ALK: variants seen among roughly 807,000 people sequenced by gnomAD.
ALK encodes ALK receptor tyrosine kinase, also known as ALK tyrosine kinase receptor.
Under a neutral mutation model 163.1 loss-of-function variants are expected in ALK, and 74 were observed. The observed-to-expected ratio is 0.45, with a 90% confidence interval of 0.38 to 0.55. ALK has a LOEUF of 0.55. ALK is among the 20% of genes least tolerant of loss of function. The pLI is 0.00. For synonymous variants in ALK, 960 were observed against 843.2 expected (o/e 1.14, Z -2.40); for missense variants, 2,063 against 2,105.3 (o/e 0.98, Z 0.39).
chr2:29,845,109 G>C (rs1572430141), intron 1 of ALK, among the ~76,000 whole-genome samples: 1 of 152,176 alleles, frequency 6.6e-6, no homozygotes, highest in Admixed American at 6.5e-5. Context: ...TGTCCTGCTA[G>C]CAAAATGAAA....
intron 1 of ALK, among the ~76,000 whole-genome samples, chr2:29,783,265 C>T (rs1331374007): frequency 6.6e-6 from 1 of 152,220 alleles, no homozygotes; most frequent in African/African-American, 2.4e-5. Flanking sequence ...CGATGCTATT[C>T]TCTTGGATGG....
At chr2:29,576,499 T>A (rs1674528218) in intron 3 of ALK, among the ~76,000 whole-genome samples, 1 of 152,206 alleles carries the variant, frequency 6.6e-6, no homozygotes, top group South Asian at 2.1e-4. Flanking sequence ...TCTGTTGACA[T>A]TTGTCCCTCC....
intron 2 of ALK, among the ~76,000 whole-genome samples, chr2:29,711,961 C>G (rs150085807): frequency 1.1e-3 from 165 of 152,234 alleles, no homozygotes; most frequent in African/African-American, 3.8e-3. Flanking sequence ...TTTATTCTGA[C>G]GTTTTTTCTT....
At chr2:29,358,631 A>T (rs1668311027) in intron 5 of ALK, among the ~76,000 whole-genome samples, 1 of 152,238 alleles carries the variant, frequency 6.6e-6, no homozygotes, top group Non-Finnish European at 1.5e-5. Context: ...ATTGTTTGCC[A>T]GTTCTACTTG....
At chr2:29,592,154 G>A (rs1013314876) in intron 3 of ALK, among the ~76,000 whole-genome samples, 2 of 152,062 alleles carry the variant, frequency 1.3e-5, no homozygotes, top group African/African-American at 4.8e-5. Context: ...TGGCTTCTGG[G>A]GTACTCAGCG....
At chr2:29,905,987 A>G (rs1299660735) in intron 1 of ALK, among the ~76,000 whole-genome samples, 2 of 151,906 alleles carry the variant, frequency 1.3e-5, no homozygotes, top group Non-Finnish European at 2.9e-5. Context: ...TCTCTATTGT[A>G]CCCCTGCCTG....
At chr2:29,547,587 ACT>A (rs1319292075) in intron 3 of ALK, among the ~76,000 whole-genome samples, 3 of 152,208 alleles carry the variant, frequency 2.0e-5, no homozygotes, top group Non-Finnish European at 2.9e-5. Flanking sequence ...ACAGAGTGAG[ACT>A]CTGTCTCAAA....
At chr2:29,410,150 C>A (rs1669693442) in intron 4 of ALK, among the ~76,000 whole-genome samples, 1 of 152,074 alleles carries the variant, frequency 6.6e-6, no homozygotes, top group South Asian at 2.1e-4. Context: ...TTACACAAAC[C>A]TAGACGGTGT....
chr2:29,685,697 G>A (rs1311258534), intron 3 of ALK, among the ~76,000 whole-genome samples: 3 of 152,198 alleles, frequency 2.0e-5, no homozygotes, highest in Non-Finnish European at 4.4e-5. Flanking sequence ...GGCCAGCTGT[G>A]TTAGTATCCT....
intron 2 of ALK, among the ~76,000 whole-genome samples, chr2:29,713,840 G>A (rs1679173367): frequency 6.8e-6 from 1 of 146,108 alleles, no homozygotes; most frequent in African/African-American, 2.5e-5. Flanking sequence ...AATGTATCAT[G>A]TTTTTTTTTT....
intron 4 of ALK, among the ~76,000 whole-genome samples, chr2:29,493,212 T>C (rs1671944273): frequency 6.6e-6 from 1 of 152,172 alleles, no homozygotes; most frequent in African/African-American, 2.4e-5. Flanking sequence ...TTTCCAACAC[T>C]GGGATGAAGA....
intron 1 of ALK, among the ~76,000 whole-genome samples, chr2:29,870,170 G>A (rs1666541756): frequency 6.6e-6 from 1 of 152,142 alleles, no homozygotes; most frequent in South Asian, 2.1e-4. Context: ...AATTATCCCT[G>A]TATAATTCTG....
At chr2:29,772,312 C>T (rs1681050767) in intron 1 of ALK, among the ~76,000 whole-genome samples, 1 of 152,058 alleles carries the variant, frequency 6.6e-6, no homozygotes, top group Non-Finnish European at 1.5e-5. Flanking sequence ...AGCAAAACCT[C>T]TAGGGAAAAT....
In ALK at chr2:29,865,928, A is replaced by C. The variant is rs549472401; in HGVS notation, c.667+54065T>G. 3.9e-5 allele frequency among the ~76,000 whole-genome samples: 6 copies of C among 152,280 alleles called. No individual in the cohort carries two copies. The South Asian group carries it at 1.2e-3, about 32-fold the overall frequency. On this transcript the variant is annotated intron_variant, in intron 1 of 28. Transcript: ENST00000389048. ...GATGCCCAAGGTCTCTCTCCCAGAC[A>C]CCAAGGGTCGCTGGGAGCAAGGGTC... is the stretch of plus-strand genomic sequence containing the variant.
intron 4 of ALK, among the ~76,000 whole-genome samples, chr2:29,394,918 C>T (rs529798047): frequency 1.3e-5 from 2 of 151,334 alleles, no homozygotes; most frequent in South Asian, 2.1e-4. Context: ...AGGATAAAGA[C>T]AACATTGAAA....
rs149811795 is a variant in ALK, at chr2:29,598,079, G to A, written c.953-65963C>T. On this transcript the variant is annotated intron_variant, in intron 3 of 28. Coordinates refer to ENST00000389048, the MANE Select transcript of ALK (RefSeq NM_004304.5). ...GTATCACTCGGTCACCCAGACTGGA[G>A]TGCAATGGTGCGATCTTGGCTCACT... 3.3e-3 allele frequency among the ~76,000 whole-genome samples: 508 copies of A among 152,358 alleles called. 3 individuals are homozygous for A. Among genetic ancestry groups the A allele is most frequent in the Non-Finnish European group, 4.4e-3 (297 of 68,038 alleles).
intron 3 of ALK, among the ~76,000 whole-genome samples, chr2:29,632,465 T>C (rs2339555): frequency 0.63 from 95,742 of 152,050 alleles, 31,023 homozygotes; most frequent in Middle Eastern, 0.73. Context: ...TAGTAAATAA[T>C]ATTAAATTTA....
intron 4 of ALK, among the ~76,000 whole-genome samples, chr2:29,472,646 C>A (rs1322232692): frequency 2.0e-5 from 3 of 152,074 alleles, no homozygotes; most frequent in Non-Finnish European, 2.9e-5. Flanking sequence ...AAATGATCAA[C>A]TAGAATCAAT....
At chr2:29,909,405 A>T (rs1667637964) in intron 1 of ALK, among the ~76,000 whole-genome samples, 1 of 151,994 alleles carries the variant, frequency 6.6e-6, no homozygotes, top group South Asian at 2.1e-4. Flanking sequence ...AGGCTGAAGC[A>T]GCTCGAATTT....
Sources: gnomAD v4.1 joint callset for allele counts (sites outside exome capture counted in the v4.1 genomes callset) on GRCh38, gnomAD v4.1.1 for gene constraint, MANE v1.5 for transcripts, NCBI Gene and HGNC (gene_info 2026-07-23, HGNC 2026-07-21) for gene names.